The following PTPRD variants were observed in gnomAD, a reference collection of about 807,000 sequenced individuals.
The protein encoded by PTPRD is protein tyrosine phosphatase receptor type D.
Under a neutral mutation model 214.5 loss-of-function variants are expected in PTPRD, and 34 were observed. The observed-to-expected ratio is 0.16, with a 90% CI of 0.12 to 0.21. The LOEUF (loss-of-function observed/expected upper bound fraction) is 0.21. Among genes scored for constraint, PTPRD ranks in the 10% least tolerant of loss-of-function variants. PTPRD has a pLI of 1.00. For synonymous variants in PTPRD, 1,128 were observed against 845.7 expected (o/e 1.33, Z -5.79); for missense variants, 2,545 against 2,398.7 (o/e 1.06, Z -1.27).
chr9:9,620,900 A>T (rs2095204770), intron 7 of PTPRD, among the ~76,000 whole-genome samples: 1 of 152,074 alleles, frequency 6.6e-6, no homozygotes, highest in African/African-American at 2.4e-5. Context: ...ATTAGTAGGC[A>T]AGGAAATGAT....
chr9:10,566,379 A>T (rs561277053), intron 2 of PTPRD, among the ~76,000 whole-genome samples: 1 of 152,068 alleles, frequency 6.6e-6, no homozygotes, highest in Admixed American at 6.6e-5. Context: ...TTACAACTGC[A>T]GTGTATGAAA....
At chr9:10,183,037 G>A (rs1422191446) in intron 3 of PTPRD, among the ~76,000 whole-genome samples, 2 of 151,966 alleles carry the variant, frequency 1.3e-5, no homozygotes, top group Non-Finnish European at 2.9e-5. Context: ...AGGTAAGTGG[G>A]GATAATAATG....
rs148122041 is a variant in PTPRD, at chr9:9,380,690, A to T, written c.-203+16759T>A. On this transcript the variant is annotated intron_variant, in intron 9 of 45. Transcript: ENST00000381196. Reference sequence around the variant, plus strand: ...GATGAAGTGTCTATAGATGCCAATTATATCCAATTGATGGATAGCGTTGTC... The same window carrying T: ...GATGAAGTGTCTATAGATGCCAATTTTATCCAATTGATGGATAGCGTTGTC... Among the ~76,000 whole-genome samples the T allele has an allele frequency of 3.2e-3, 491 of 152,272 alleles. 1 individual carries two copies. The highest frequency in any genetic ancestry group is 0.011 in the African/African-American group (457 of 41,568).
At chr9:9,051,276 G>C (rs2154394765) in intron 10 of PTPRD, among the ~76,000 whole-genome samples, 2 of 152,166 alleles carry the variant, frequency 1.3e-5, no homozygotes, top group South Asian at 4.2e-4. Context: ...TACCAGTTTT[G>C]TTTGTTTTTA....
chr9:8,951,989 G>A (rs544204555), intron 11 of PTPRD, among the ~76,000 whole-genome samples: 6 of 151,858 alleles, frequency 4.0e-5, no homozygotes, highest in African/African-American at 1.4e-4. Context: ...TTTCTGAAAG[G>A]CCATTCATGA....
chr9:10,415,828 T>C (rs1171752533), intron 2 of PTPRD, among the ~76,000 whole-genome samples: 3 of 151,578 alleles, frequency 2.0e-5, no homozygotes, highest in African/African-American at 2.4e-5. Context: ...CATGAGAATA[T>C]CATAAGGACA....
chr9:10,096,486 C>G (rs1290745044), intron 3 of PTPRD, among the ~76,000 whole-genome samples: 3 of 151,886 alleles, frequency 2.0e-5, no homozygotes, highest in Non-Finnish European at 4.4e-5. Context: ...TCTCTGATGG[C>G]CAGTGATGAT....
intron 5 of PTPRD, among the ~76,000 whole-genome samples, chr9:9,932,347 T>C (rs867313327): frequency 9.2e-4 from 131 of 141,664 alleles, no homozygotes; most frequent in African/African-American, 3.5e-3. Flanking sequence ...TAGAAGAATG[T>C]ATAACTAGAA....
chr9:10,427,074 T>A (rs1488761900), intron 2 of PTPRD, among the ~76,000 whole-genome samples: 3 of 152,090 alleles, frequency 2.0e-5, no homozygotes, highest in Non-Finnish European at 2.9e-5. Flanking sequence ...TCTTTTAATT[T>A]ATTAATTACA....
intron 11 of PTPRD, among the ~76,000 whole-genome samples, chr9:8,844,624 T>A (rs2154537488): frequency 6.6e-6 from 1 of 152,316 alleles, no homozygotes; most frequent in Non-Finnish European, 1.5e-5. Context: ...TTATTAAGGA[T>A]AATGAAGCAT....
intron 3 of PTPRD, among the ~76,000 whole-genome samples, chr9:10,241,454 C>G (rs1216891982): frequency 6.6e-6 from 1 of 151,832 alleles, no homozygotes; most frequent in Non-Finnish European, 1.5e-5. Context: ...AGTAGACGGC[C>G]TTCAACAAGT....
chr9:10,217,388 A>G (rs1398863166), intron 3 of PTPRD, among the ~76,000 whole-genome samples: 1 of 151,764 alleles, frequency 6.6e-6, no homozygotes, highest in East Asian at 1.9e-4. Context: ...CCTCCTCCAT[A>G]TCTCAAAGCA....
At chr9:10,303,331 T>C (rs1260137279) in intron 3 of PTPRD, among the ~76,000 whole-genome samples, 1 of 151,948 alleles carries the variant, frequency 6.6e-6, no homozygotes, top group Non-Finnish European at 1.5e-5. Context: ...TTCGATACCC[T>C]AACATCACAA....
chr9:9,543,085 T>C (rs896403771), intron 8 of PTPRD, among the ~76,000 whole-genome samples: 12 of 151,672 alleles, frequency 7.9e-5, no homozygotes, highest in African/African-American at 2.7e-4. Flanking sequence ...AATAAACAAA[T>C]TGTGGTATAT....
intron 11 of PTPRD, among the ~76,000 whole-genome samples, chr9:8,876,388 CT>C: frequency 6.6e-6 from 1 of 152,222 alleles, no homozygotes; most frequent in Non-Finnish European, 1.5e-5. Flanking sequence ...TTTACCTTTC[CT>C]TTTAAACACT....
chr9:8,623,539 CA>C (rs2095887576), intron 14 of PTPRD, among the ~76,000 whole-genome samples: 1 of 151,822 alleles, frequency 6.6e-6, no homozygotes, highest in Non-Finnish European at 1.5e-5. Context: ...TCCCTTTAAT[CA>C]AATAATTTGA....
intron 9 of PTPRD, among the ~76,000 whole-genome samples, chr9:9,248,896 T>A (rs2099974199): frequency 6.6e-6 from 1 of 151,982 alleles, no homozygotes; most frequent in South Asian, 2.1e-4. Context: ...CTCTAAAGAA[T>A]CATGGAGCAC....
chr9:10,130,469 T>C (rs1208828666), intron 3 of PTPRD, among the ~76,000 whole-genome samples: 1 of 152,076 alleles, frequency 6.6e-6, no homozygotes, highest in African/African-American at 2.4e-5. Flanking sequence ...ATTGAAAATA[T>C]TTTTTCTACT....
At chr9:10,582,419 T>C (rs1485081990) in intron 2 of PTPRD, among the ~76,000 whole-genome samples, 2 of 152,214 alleles carry the variant, frequency 1.3e-5, no homozygotes, top group East Asian at 1.9e-4. Context: ...TTAGAATCAA[T>C]GTTAAAGTTC....
Sources: allele counts gnomAD v4.1 joint callset (sites outside exome capture counted in the v4.1 genomes callset), GRCh38; gene constraint gnomAD v4.1.1; transcripts MANE v1.5; gene names NCBI Gene and HGNC (gene_info 2026-07-23, HGNC 2026-07-21).